UBE2E2: variants seen among roughly 807,000 people sequenced by gnomAD.
UBE2E2 encodes ubiquitin-conjugating enzyme E2 E2.
Under a neutral mutation model 24.7 loss-of-function variants are expected in UBE2E2, and 6 were observed. The ratio of observed to expected loss-of-function variants is 0.24; its 90% CI spans 0.13 to 0.48. The LOEUF is 0.48. Among genes scored for constraint, UBE2E2 ranks in the 20% least tolerant of loss-of-function variants. UBE2E2 has a pLI of 0.99. For missense variants in UBE2E2, 169 were observed against 245.0 expected (o/e 0.69, Z 2.07); for synonymous variants, 104 against 83.6 (o/e 1.24, Z -1.33).
rs191825983 is a variant in UBE2E2, at chr3:23,371,038, T to A, written c.228-128570T>A. On this transcript the variant is annotated intron_variant, in intron 3 of 5. Transcript: ENST00000396703. ...TGTGTACTTTTTTATTTTAAAAAAT[T>A]TTTTTAATAGAAATGGGGTTTTGCT... Among the ~76,000 whole-genome samples, 1,182 of 152,288 alleles carry A rather than the reference T, an allele frequency of 7.8e-3. 12 individuals are homozygous for A. Among genetic ancestry groups the A allele is most frequent in the African/African-American group, 0.021 (866 of 41,560 alleles).
intron 3 of UBE2E2, among the ~76,000 whole-genome samples, chr3:23,329,201 A>G (rs993513201): frequency 1.3e-5 from 2 of 152,204 alleles, no homozygotes; most frequent in African/African-American, 4.8e-5. Context: ...GGGGAAAGTC[A>G]GTATTTTGAA....
At chr3:23,455,606 A>G (rs1698661060) in intron 3 of UBE2E2, among the ~76,000 whole-genome samples, 1 of 152,102 alleles carries the variant, frequency 6.6e-6, no homozygotes. Context: ...GCGGAGGATC[A>G]CTTGAGCCCA....
intron 3 of UBE2E2, among the ~76,000 whole-genome samples, chr3:23,496,352 A>G (rs1463489574): frequency 6.6e-6 from 1 of 152,180 alleles, no homozygotes; most frequent in Non-Finnish European, 1.5e-5. Flanking sequence ...GCACACACTG[A>G]GAAGTGAAAC....
rs565189355 is a variant in UBE2E2, at chr3:23,211,264, C to T, written c.176+2389C>T. ...ATTTTATTTCACACTTTTTTGTTGA[C>T]GATCATTTTTATTCAGATGAGAAGC... On this transcript the variant is annotated intron_variant, in intron 2 of 5. Transcript: ENST00000396703. Among the ~76,000 whole-genome samples, 10 of 152,114 alleles carry T rather than the reference C, an allele frequency of 6.6e-5. 1 individual carries two copies. In the South Asian group the frequency reaches 8.3e-4, roughly 13 times the overall value.
At chr3:23,396,362 A>C (rs1340688529) in intron 3 of UBE2E2, among the ~76,000 whole-genome samples, 1 of 147,598 alleles carries the variant, frequency 6.8e-6, no homozygotes, top group Non-Finnish European at 1.5e-5. Flanking sequence ...TATTTTATCT[A>C]TATAAAATAA....
Position 23,407,531 on chromosome 3 carries a change from A to G in UBE2E2, c.228-92077A>G, listed in dbSNP as rs1368084119. 6.6e-6 allele frequency among the ~76,000 whole-genome samples: 1 copy of G among 151,942 alleles called. No homozygotes were observed. Among genetic ancestry groups the G allele is most frequent in the Non-Finnish European group, 1.5e-5 (1 of 68,000 alleles). Reference sequence around the variant, plus strand: ...CCGTACTCATCCCTCTTCTTTCACTACCGTCAACATTTGCTACATCCTTTA... The same window carrying G: ...CCGTACTCATCCCTCTTCTTTCACTGCCGTCAACATTTGCTACATCCTTTA... On this transcript the variant is annotated intron_variant, in intron 3 of 5. Transcript: ENST00000396703. The surrounding 1 kb of genome is among the most constrained non-coding windows in gnomAD (Gnocchi z 4.0).
At chr3:23,340,127 T>A (rs1459133164) in intron 3 of UBE2E2, among the ~76,000 whole-genome samples, 1 of 152,120 alleles carries the variant, frequency 6.6e-6, no homozygotes. Context: ...TTAACCTGTG[T>A]CTGTATGTCA....
intron 5 of UBE2E2, among the ~76,000 whole-genome samples, chr3:23,553,323 AT>A (rs1432260242): frequency 6.6e-6 from 1 of 151,412 alleles, no homozygotes; most frequent in Non-Finnish European, 1.5e-5. Context: ...AAAAAAAAAA[AT>A]AATTTCAAAG....
intron 3 of UBE2E2, among the ~76,000 whole-genome samples, chr3:23,337,090 A>T (rs1161628507): frequency 6.6e-6 from 1 of 151,568 alleles, no homozygotes; most frequent in Non-Finnish European, 1.5e-5. Flanking sequence ...CAGTGAGCCG[A>T]GATCATGCTA....
intron 3 of UBE2E2, among the ~76,000 whole-genome samples, chr3:23,403,985 C>A (rs759461141): frequency 1.3e-5 from 2 of 152,182 alleles, no homozygotes; most frequent in Admixed American, 6.5e-5. Flanking sequence ...TTCTTCCTGT[C>A]TTCTCCCCAT....
At chr3:23,480,092 C>T (rs1699225090) in intron 3 of UBE2E2, among the ~76,000 whole-genome samples, 1 of 152,180 alleles carries the variant, frequency 6.6e-6, no homozygotes, top group South Asian at 2.1e-4. Context: ...TCATACCATC[C>T]ATGGCACCCA....
At chr3:23,460,294 C>T (rs1181233309) in intron 3 of UBE2E2, among the ~76,000 whole-genome samples, 1 of 152,196 alleles carries the variant, frequency 6.6e-6, no homozygotes, top group African/African-American at 2.4e-5. Flanking sequence ...TCTGCCAAAT[C>T]ACAACTACCT....
intron 3 of UBE2E2, among the ~76,000 whole-genome samples, chr3:23,246,417 A>G (rs1428765668): frequency 1.7e-5 from 1 of 58,706 alleles, no homozygotes; most frequent in Non-Finnish European, 3.5e-5. Context: ...TTGTATTTTT[A>G]GTAGACACGG....
chr3:23,317,007 C>G (rs747812840), intron 3 of UBE2E2, among the ~76,000 whole-genome samples: 3 of 152,148 alleles, frequency 2.0e-5, no homozygotes, highest in Non-Finnish European at 2.9e-5. Flanking sequence ...TTACTGGTGC[C>G]TTTCCTCTCC....
intron 5 of UBE2E2, among the ~76,000 whole-genome samples, chr3:23,544,382 G>A (rs1559416825): frequency 6.6e-6 from 1 of 152,030 alleles, no homozygotes; most frequent in Non-Finnish European, 1.5e-5. Flanking sequence ...ATCAAAAAGT[G>A]GACAAATGAC....
intron 3 of UBE2E2, among the ~76,000 whole-genome samples, chr3:23,449,636 A>G (rs574980497): frequency 6.6e-6 from 1 of 152,304 alleles, no homozygotes; most frequent in Non-Finnish European, 1.5e-5. Flanking sequence ...AAGATTGAAA[A>G]TTCTTATGAC....
chr3:23,232,806 C>T (rs576471748), intron 3 of UBE2E2, among the ~76,000 whole-genome samples: 3 of 152,276 alleles, frequency 2.0e-5, no homozygotes, highest in South Asian at 2.1e-4. Context: ...TCCAATCCTA[C>T]GAAAAGATGA....
intron 3 of UBE2E2, among the ~76,000 whole-genome samples, chr3:23,298,383 C>T (rs1341698660): frequency 6.6e-6 from 1 of 152,034 alleles, no homozygotes; most frequent in African/African-American, 2.4e-5. Context: ...AAAGGGAATG[C>T]TTCCAGTTTT....
intron 3 of UBE2E2, among the ~76,000 whole-genome samples, chr3:23,385,464 A>G (rs532360780): frequency 6.6e-6 from 1 of 152,236 alleles, no homozygotes; most frequent in South Asian, 2.1e-4. Context: ...CCTATTTTCA[A>G]TAGTGTCATA....
Sources: gnomAD v4.1 joint callset for allele counts (sites outside exome capture counted in the v4.1 genomes callset) on GRCh38, gnomAD v4.1.1 for gene constraint, Gnocchi (gnomAD v3.1) non-coding constraint, MANE v1.5 for transcripts, NCBI Gene and HGNC (gene_info 2026-07-23, HGNC 2026-07-21) for gene names.